The following ZFHX3 variants were observed in gnomAD, a reference collection of about 807,000 sequenced individuals.
ZFHX3 encodes the protein zinc finger homeobox 3, also known as zinc finger homeobox protein 3.
A neutral mutation model predicts 279.1 loss-of-function variants in ZFHX3; 42 were observed. The ratio of observed to expected loss-of-function variants is 0.15; its 90% CI spans 0.12 to 0.19. The LOEUF is 0.19. ZFHX3 is among the 10% of genes least tolerant of loss of function. ZFHX3 has a pLI of 1.00. For synonymous variants in ZFHX3, 2,293 were observed against 1,957.8 expected (o/e 1.17, Z -4.52); for missense variants, 4,981 against 4,754.0 (o/e 1.05, Z -1.40).
intron 1 of ZFHX3, among the ~76,000 whole-genome samples, chr16:73,759,955 T>G (rs2053846383): frequency 6.8e-6 from 1 of 146,212 alleles, no homozygotes; most frequent in African/African-American, 2.5e-5. Context: ...AGAGGGGAAC[T>G]AAAGGAGATA....
intron 1 of ZFHX3, among the ~76,000 whole-genome samples, chr16:73,019,381 C>CTGCGTGTGCGTGTGT (rs1964221311): frequency 6.6e-6 from 1 of 151,918 alleles, no homozygotes; most frequent in Non-Finnish European, 1.5e-5. Flanking sequence ...TGTGCGTGTG[C>CTGCGTGTGCGTGTGT]GTGTCTGCAC....
chr16:73,600,181 C>T (rs1255230912), intron 2 of ZFHX3, among the ~76,000 whole-genome samples: 1 of 152,138 alleles, frequency 6.6e-6, no homozygotes, highest in Non-Finnish European at 1.5e-5. Flanking sequence ...GTTGTATTAA[C>T]AAGATCAGAC....
chr16:72,803,967 A>G (rs1414486721), intron 7 of ZFHX3, among the ~76,000 whole-genome samples: 3 of 152,222 alleles, frequency 2.0e-5, no homozygotes, highest in Non-Finnish European at 4.4e-5. Flanking sequence ...CCCAGAGTAC[A>G]TGTACATTTC....
chr16:73,127,613 A>G (rs1417978759), intron 7 of ZFHX3: 3 of 1,293,726 alleles, frequency 2.3e-6, no homozygotes, highest in Middle Eastern at 2.2e-4. Context: ...CTGGCAGGCA[A>G]GAAAGGAACA....
At chr16:72,920,904 T>C (rs1393210428) in intron 3 of ZFHX3, among the ~76,000 whole-genome samples, 1 of 151,322 alleles carries the variant, frequency 6.6e-6, no homozygotes, top group Admixed American at 6.6e-5. Flanking sequence ...ACCCCCCATA[T>C]CTACAAAAAA....
intron 5 of ZFHX3, among the ~76,000 whole-genome samples, chr16:73,194,103 A>G (rs1166989662): frequency 6.6e-6 from 1 of 152,126 alleles, no homozygotes; most frequent in Non-Finnish European, 1.5e-5. Flanking sequence ...AACTTCACAT[A>G]TATCTTCAGG....
At chr16:73,577,060 G>A (rs1017084953) in intron 2 of ZFHX3, among the ~76,000 whole-genome samples, 1 of 152,170 alleles carries the variant, frequency 6.6e-6, no homozygotes, top group Non-Finnish European at 1.5e-5. Context: ...TGTAGGAGCA[G>A]TCACAAAATT....
chr16:72,798,344 C>T lies in ZFHX3; in HGVS notation c.4338G>A (p.Lys1446=). 1.2e-6 allele frequency: 2 copies of T among 1,614,228 alleles called. No individual in the cohort carries two copies. Among genetic ancestry groups the T allele is most frequent in the Non-Finnish European group, 1.7e-6 (2 of 1,180,046 alleles). ...GCTCCAGGTGGCTTGTCTCAAGGTG[C>T]TTCTTCAGAGCCTGGAAAGTTCGGA... The part of the protein sequence containing the change: ...RSFRTFQALK[K]HLETSHLELS... Residue 1446 remains lysine (K), a synonymous_variant, in exon 9 of 10, where the codon AAG becomes AAA. Coordinates refer to ENST00000268489, the MANE Select transcript of ZFHX3 (RefSeq NM_006885.4).
At position 73,519,559 on chromosome 16, in the gene ZFHX3, G is replaced by A. The variant is rs543711398; in HGVS notation, c.-1546-63301C>T. Among the ~76,000 whole-genome samples the A allele has an allele frequency of 3.2e-4, 48 of 152,008 alleles. No homozygotes were observed. The Middle Eastern group carries it at 0.01, about 32-fold the overall frequency. On this transcript the variant is annotated intron_variant, in intron 2 of 17. Coordinates refer to the ZFHX3 transcript ENST00000641206. ...CCTTGGTTGATTGGAATTTCTTTCCGTCCCATTTTCTACCTCCCAAAGGAG... is the reference window on the plus strand; with the variant it reads ...CCTTGGTTGATTGGAATTTCTTTCCATCCCATTTTCTACCTCCCAAAGGAG...
chr16:73,288,974 G>A (rs913562521), intron 4 of ZFHX3, among the ~76,000 whole-genome samples: 4 of 146,342 alleles, frequency 2.7e-5, no homozygotes, highest in African/African-American at 1.0e-4. Flanking sequence ...CCTTTTTTAT[G>A]ATCTAGGATG....
chr16:73,106,915 A>G (rs1266716712), intron 7 of ZFHX3, among the ~76,000 whole-genome samples: 1 of 152,222 alleles, frequency 6.6e-6, no homozygotes, highest in Non-Finnish European at 1.5e-5. Flanking sequence ...CGTCTCAGAC[A>G]TTATTAAGTT....
intron 4 of ZFHX3, among the ~76,000 whole-genome samples, chr16:73,299,842 C>T (rs1276824354): frequency 6.6e-6 from 1 of 152,166 alleles, no homozygotes; most frequent in Non-Finnish European, 1.5e-5. Context: ...ACTGGCCCAG[C>T]AAAGCAGACC....
chr16:72,900,136 C>CAAAAAAA lies in ZFHX3; in HGVS notation c.3217-10181_3217-10175dup, dbSNP rs10669734. Among the ~76,000 whole-genome samples, 16 of 63,352 alleles carry CAAAAAAA rather than the reference C, an allele frequency of 2.5e-4. 1 individual carries two copies. The highest frequency in any genetic ancestry group is 1.1e-3 in the South Asian group (2 of 1,798). The allele number at this position is 63,352 out of a possible 152,430, so 41.6% of individuals were successfully genotyped here. On this transcript the variant is annotated intron_variant, in intron 3 of 9. Transcript: ENST00000268489. The stretch of plus-strand genomic sequence containing the variant: ...CCAAAGCTTAAGCCCATGCCCTTGC[C>CAAAAAAA]AAAAAAAAAAAAAAAAAAACAAGAA...
chr16:73,375,468 T>C (rs1172489558), intron 3 of ZFHX3, among the ~76,000 whole-genome samples: 1 of 152,194 alleles, frequency 6.6e-6, no homozygotes, highest in Non-Finnish European at 1.5e-5. Context: ...TCACTGTTAA[T>C]GGGTTAGTCA....
At chr16:73,707,218 AG>A (rs1358986751) in intron 1 of ZFHX3, among the ~76,000 whole-genome samples, 1 of 152,192 alleles carries the variant, frequency 6.6e-6, no homozygotes, top group Non-Finnish European at 1.5e-5. Flanking sequence ...ACCACTCTCC[AG>A]CCAGGGTAAC....
intron 5 of ZFHX3, among the ~76,000 whole-genome samples, chr16:73,201,667 C>T (rs559720513): frequency 1.6e-4 from 25 of 152,250 alleles, no homozygotes; most frequent in Admixed American, 6.5e-4. Context: ...GTATGAGAAA[C>T]GCTCTACTAG....
chr16:73,142,859 C>T (rs754404486), intron 6 of ZFHX3, among the ~76,000 whole-genome samples: 14 of 152,150 alleles, frequency 9.2e-5, no homozygotes, highest in Admixed American at 3.3e-4. Context: ...GAGAAACTGA[C>T]GTCCAGAAAG....
intron 3 of ZFHX3, among the ~76,000 whole-genome samples, chr16:73,396,666 C>G (rs1489321108): frequency 6.6e-6 from 1 of 152,172 alleles, no homozygotes; most frequent in Non-Finnish European, 1.5e-5. Context: ...TCTTATCAAA[C>G]AACCAGATCT....
At chr16:73,725,728 A>G (rs1385111445) in intron 1 of ZFHX3, among the ~76,000 whole-genome samples, 1 of 152,182 alleles carries the variant, frequency 6.6e-6, no homozygotes, top group African/African-American at 2.4e-5. Flanking sequence ...CATTAAGCAC[A>G]TGATGTAAGC....
Sources: gnomAD v4.1 joint callset for allele counts (sites outside exome capture counted in the v4.1 genomes callset) on GRCh38, gnomAD v4.1.1 for gene constraint, MANE v1.5 for transcripts, NCBI Gene and HGNC (gene_info 2026-07-23, HGNC 2026-07-21) for gene names.